TES: variants seen among roughly 807,000 people sequenced by gnomAD.
The protein encoded by TES is testin.
Under a neutral mutation model 48.2 loss-of-function variants are expected in TES, and 41 were observed. That is an observed-to-expected ratio of 0.85 (90% CI 0.66 to 1.10). The LOEUF (loss-of-function observed/expected upper bound fraction) is 1.10. TES is among the 50% of genes least tolerant of loss of function. TES has a pLI of 0.00. For synonymous variants in TES, 162 were observed against 174.9 expected (o/e 0.93, Z 0.58); for missense variants, 463 against 515.1 (o/e 0.90, Z 0.98).
chr7:116,245,093 C>G (rs1330427485), intron 2 of TES, among the ~76,000 whole-genome samples: 1 of 152,308 alleles, frequency 6.6e-6, no homozygotes, highest in South Asian at 2.1e-4. Context: ...GTGAAGCTCT[C>G]TGACATGCCC....
intron 1 of TES, among the ~76,000 whole-genome samples, chr7:116,225,474 A>G (rs1799611487): frequency 6.6e-6 from 1 of 152,190 alleles, no homozygotes; most frequent in African/African-American, 2.4e-5. Context: ...CCTCCAGAAT[A>G]TATTTTATTA....
rs530613426 is a variant in TES, at chr7:116,251,454, G to A, written c.703-306G>A. 4.8e-4 allele frequency: 135 copies of A among 282,264 alleles called. 2 individuals carry two copies. The South Asian group carries it at 5.0e-3, about 10-fold the overall frequency. The allele number at this position is 282,264 out of a possible 1,614,324, so 17.5% of individuals were successfully genotyped here. A position where few individuals can be genotyped will look rare whatever the true frequency, so the allele number is the denominator to read the frequency against. On this transcript the variant is annotated intron_variant, in intron 4 of 6. Transcript: ENST00000358204. ...TCCCAGCACTTTGGGAGGCTGAGGC[G>A]GGTGAATCACGAGGTCAGGAGATTG...
At chr7:116,236,281 T>C (rs1799770182) in intron 2 of TES, among the ~76,000 whole-genome samples, 1 of 152,080 alleles carries the variant, frequency 6.6e-6, no homozygotes, top group Admixed American at 6.6e-5. Context: ...TCCAAAATGC[T>C]CCAAAACCAA....
intron 1 of TES, among the ~76,000 whole-genome samples, chr7:116,223,423 A>G (rs894316540): frequency 4.6e-5 from 7 of 152,124 alleles, no homozygotes; most frequent in Non-Finnish European, 7.4e-5. Flanking sequence ...ATCTTTTCCA[A>G]TTTTTATTCT....
chr7:116,257,505 G>C lies in TES; in HGVS notation c.*23G>C, dbSNP rs1800119487. The C allele has an allele frequency of 6.5e-7, 1 of 1,545,476 alleles. No homozygotes were observed. The highest frequency in any genetic ancestry group is 8.7e-7 in the Non-Finnish European group (1 of 1,144,460). Reference sequence around the variant, plus strand: ...TAGGAGGAGGGCACCCAGAAGTATCGAGCCATAGCTATCCAAAGTGGTCTG... The same window carrying C: ...TAGGAGGAGGGCACCCAGAAGTATCCAGCCATAGCTATCCAAAGTGGTCTG... On this transcript the variant is annotated 3_prime_UTR_variant, in exon 7 of 7. Coordinates refer to ENST00000358204, the MANE Select transcript of TES (RefSeq NM_015641.4).
At position 116,210,844 on chromosome 7, in the gene TES, G is replaced by T. The variant is rs549785607; in HGVS notation, c.27+110G>T. On this transcript the variant is annotated intron_variant, in intron 1 of 6. Transcript: ENST00000358204. ...GGGGCTCGCGGGCCCCCCGGTGTGA[G>T]CCCGGCTCTGGGTCTGCGGTGCCCC... is the stretch of plus-strand genomic sequence containing the variant. 2.0e-4 allele frequency: 203 copies of T among 1,012,508 alleles called. 1 individual carries two copies. The highest frequency in any genetic ancestry group is 1.9e-3 in the African/African-American group (111 of 59,212). 62.7% of individuals were successfully genotyped at this position (1,012,508 alleles called of 1,614,324 possible).
intron 4 of TES, 138 bp from the exon 5 acceptor site, chr7:116,251,622 G>A (rs1800009985): frequency 2.6e-6 from 2 of 777,720 alleles, no homozygotes; most frequent in South Asian, 3.4e-5. Context: ...GGCGGAGCTT[G>A]CAATGAGCCG....
chr7:116,233,883 G>C (rs978823781), intron 1 of TES, among the ~76,000 whole-genome samples: 1 of 152,066 alleles, frequency 6.6e-6, no homozygotes, highest in East Asian at 1.9e-4. Context: ...TGGAAGAGAG[G>C]AACTCACTCC....
At chr7:116,218,007 A>G (rs1394679028) in intron 1 of TES, 1 of 460,162 alleles carries the variant, frequency 2.2e-6, no homozygotes, top group South Asian at 1.5e-5. Flanking sequence ...AGAATTGCCA[A>G]TTTCTCTGTT....
chr7:116,237,771 G>A (rs868054733), intron 2 of TES, among the ~76,000 whole-genome samples: 26 of 152,138 alleles, frequency 1.7e-4, no homozygotes, highest in Middle Eastern at 3.2e-3. Context: ...GTTCTGGTGA[G>A]GTCTCTCTTC....
intron 4 of TES, 133 bp downstream of exon 4, chr7:116,250,629 A>C: frequency 2.8e-6 from 2 of 721,006 alleles, no homozygotes; most frequent in Non-Finnish European, 4.1e-6. Context: ...AATAGGATTT[A>C]GATTCAGTTT....
intron 1 of TES, among the ~76,000 whole-genome samples, chr7:116,212,522 C>A (rs1799450590): frequency 6.6e-6 from 1 of 152,106 alleles, no homozygotes; most frequent in Admixed American, 6.5e-5. Flanking sequence ...TACATGGGAA[C>A]TTCGAATTTT....
In TES at chr7:116,220,382, T is replaced by C. The variant is rs888301730; in HGVS notation, c.27+9648T>C. Reference sequence around the variant, plus strand: ...CATCCTGTGGACCACTGTTGCCCACTTTTCTCTAACAGTTAGGGAATTTAA... The same window carrying C: ...CATCCTGTGGACCACTGTTGCCCACCTTTCTCTAACAGTTAGGGAATTTAA... On this transcript the variant is annotated intron_variant, in intron 1 of 6. Coordinates refer to ENST00000358204, the MANE Select transcript of TES (RefSeq NM_015641.4). Among the ~76,000 whole-genome samples, 10 of 152,264 alleles carry C rather than the reference T, an allele frequency of 6.6e-5. No individual in the cohort carries two copies. In the South Asian group the frequency reaches 1.9e-3, roughly 28 times the overall value.
At chr7:116,242,570 A>C (rs1289547013) in intron 2 of TES, among the ~76,000 whole-genome samples, 2 of 151,850 alleles carry the variant, frequency 1.3e-5, no homozygotes, top group Non-Finnish European at 1.5e-5. Flanking sequence ...AGTCAAATCT[A>C]ATATTTTCAG....
At position 116,251,835 on chromosome 7, in the gene TES, CTG is replaced by C. The variant is rs1800015949; in HGVS notation, c.781_782del (p.Trp261AlafsTer12). 2 of 1,614,166 alleles carry C rather than the reference CTG, an allele frequency of 1.2e-6. No individual in the cohort carries two copies. Among genetic ancestry groups the C allele is most frequent in the South Asian group, 2.2e-5 (2 of 91,080 alleles). ...TGCCGAAAGGGCTGGCTATGATAAA[CTG>C]TGGCACCCAGCTTGTTTTGTCTGCA... Reference protein sequence around the residue: ...IYAERAGYDKLWHPACFVCST... With the variant: ...IYAERAGYDKXWHPACFVCST... On this transcript the variant is annotated frameshift_variant, in exon 5 of 7. Transcript: ENST00000358204. LOFTEE classifies it high-confidence loss of function.
intron 2 of TES, among the ~76,000 whole-genome samples, chr7:116,245,073 AG>A: frequency 6.6e-6 from 1 of 152,202 alleles, no homozygotes; most frequent in Non-Finnish European, 1.5e-5. Flanking sequence ...CTGTGATGGG[AG>A]GGGCTGCTGT....
At chr7:116,235,047 G>A (rs757419875) in intron 2 of TES, among the ~76,000 whole-genome samples, 6 of 152,264 alleles carry the variant, frequency 3.9e-5, no homozygotes, top group Non-Finnish European at 5.9e-5. Flanking sequence ...TGGTTCAAGC[G>A]ATTCTCTTGC....
chr7:116,249,040 A>C lies in TES; in HGVS notation c.134A>C (p.Lys45Thr), dbSNP rs747863746. ...HFWRKICRNC[K>T]CGQEEHDVLL... ...TATAGAAAAATATGTCGTAACTGCA[A>C]GTGTGGCCAAGAAGAGCATGATGTC... The change falls in exon 3 of 7, where the codon AAG becomes ACG. Residue 45 changes from lysine (K) to threonine (T), a missense_variant. Transcript: ENST00000358204. 2 of 1,602,434 alleles carry C rather than the reference A, an allele frequency of 1.2e-6. No homozygotes were observed. Among genetic ancestry groups the C allele is most frequent in the Non-Finnish European group, 1.7e-6 (2 of 1,173,214 alleles).
intron 2 of TES, among the ~76,000 whole-genome samples, chr7:116,248,482 C>T (rs761343955): frequency 1.3e-5 from 2 of 152,032 alleles, no homozygotes; most frequent in African/African-American, 4.8e-5. Flanking sequence ...ATAGCTATTC[C>T]GACTGATGGA....
Sources: gnomAD v4.1 joint callset for allele counts (sites outside exome capture counted in the v4.1 genomes callset) on GRCh38, gnomAD v4.1.1 for gene constraint, MANE v1.5 for transcripts, NCBI Gene and HGNC (gene_info 2026-07-23, HGNC 2026-07-21) for gene names.